The following NCKAP5 variants were observed in gnomAD, a reference collection of about 807,000 sequenced individuals.
The protein encoded by NCKAP5 is NCK associated protein 5.
A neutral mutation model predicts 167.0 loss-of-function variants in NCKAP5; 92 were observed. The ratio of observed to expected loss-of-function variants is 0.55; its 90% CI spans 0.47 to 0.66. The LOEUF (loss-of-function observed/expected upper bound fraction) is 0.66, where lower values mean the gene tolerates loss of function less well. NCKAP5 is among the 30% of genes least tolerant of loss of function. The probability of loss-of-function intolerance (pLI) is 0.00; values close to 1 mark genes in which losing one functional copy is unlikely to be tolerated. For synonymous variants in NCKAP5, 891 were observed against 877.4 expected (o/e 1.02, Z -0.27); for missense variants, 2,378 against 2,315.0 (o/e 1.03, Z -0.56).
chr2:132,849,461 C>G (rs1688915372), intron 11 of NCKAP5, among the ~76,000 whole-genome samples: 1 of 152,086 alleles, frequency 6.6e-6, no homozygotes, highest in African/African-American at 2.4e-5. Flanking sequence ...AAAATAGAAA[C>G]TGATTTAATA....
chr2:132,990,751 G>A (rs2077426383), intron 7 of NCKAP5, among the ~76,000 whole-genome samples: 1 of 152,154 alleles, frequency 6.6e-6, no homozygotes, highest in Admixed American at 6.5e-5. Flanking sequence ...AAGCAAAGAA[G>A]CAATTTTCCC....
chr2:133,176,358 T>C (rs1328729762), intron 5 of NCKAP5, among the ~76,000 whole-genome samples: 2 of 152,222 alleles, frequency 1.3e-5, no homozygotes, highest in Non-Finnish European at 2.9e-5. Flanking sequence ...ATCAAAATGA[T>C]CTCCTTTTTC....
At chr2:133,523,623 G>A (rs1027685182) in intron 2 of NCKAP5, among the ~76,000 whole-genome samples, 2 of 152,140 alleles carry the variant, frequency 1.3e-5, no homozygotes, top group African/African-American at 2.4e-5. Flanking sequence ...GCCCCAGCAA[G>A]CTTTTCCACA....
intron 6 of NCKAP5, among the ~76,000 whole-genome samples, chr2:133,019,680 G>A (rs2078459151): frequency 6.6e-6 from 1 of 152,130 alleles, no homozygotes. Context: ...GAGTGCATTG[G>A]ATGTATCTAA....
intron 11 of NCKAP5, among the ~76,000 whole-genome samples, chr2:132,831,337 A>G (rs988643774): frequency 1.3e-5 from 2 of 152,216 alleles, no homozygotes; most frequent in Admixed American, 6.5e-5. Flanking sequence ...TCTGGGGCTG[A>G]TATGCATACT....
chr2:133,127,349 CTT>C (rs2082436466), intron 6 of NCKAP5, among the ~76,000 whole-genome samples: 1 of 152,198 alleles, frequency 6.6e-6, no homozygotes, highest in Non-Finnish European at 1.5e-5. Flanking sequence ...CCCTCCATGT[CTT>C]TTACTGATTT....
intron 8 of NCKAP5, among the ~76,000 whole-genome samples, chr2:132,955,106 G>A (rs938145361): frequency 7.2e-5 from 11 of 152,208 alleles, no homozygotes; most frequent in Non-Finnish European, 1.2e-4. Context: ...CCACTGGCAC[G>A]TTGCCTTAAT....
At chr2:133,463,778 A>C (rs1324935462) in intron 3 of NCKAP5, among the ~76,000 whole-genome samples, 1 of 152,120 alleles carries the variant, frequency 6.6e-6, no homozygotes, top group Non-Finnish European at 1.5e-5. Flanking sequence ...CATGGCAACA[A>C]CTCTTTATTC....
chr2:132,887,711 A>C (rs1692362711), intron 8 of NCKAP5, among the ~76,000 whole-genome samples: 2 of 152,220 alleles, frequency 1.3e-5, no homozygotes, highest in South Asian at 4.2e-4. Flanking sequence ...TAGTGGTGTG[A>C]TCATAGCTCA....
At chr2:133,273,960 A>T (rs1317669791) in intron 4 of NCKAP5, among the ~76,000 whole-genome samples, 2 of 148,392 alleles carry the variant, frequency 1.3e-5, no homozygotes, top group South Asian at 4.3e-4. Context: ...TTAACCTGAT[A>T]AAGTTTGTCT....
intron 2 of NCKAP5, among the ~76,000 whole-genome samples, chr2:133,521,779 G>C (rs942962482): frequency 1.6e-4 from 24 of 152,210 alleles, no homozygotes; most frequent in Non-Finnish European, 1.5e-5. Context: ...CACATTGGGA[G>C]TTAGGGGTTC....
intron 15 of NCKAP5, among the ~76,000 whole-genome samples, chr2:132,775,415 A>G (rs1477524052): frequency 6.6e-6 from 1 of 152,224 alleles, no homozygotes; most frequent in Non-Finnish European, 1.5e-5. Context: ...GGCTAACTCA[A>G]CACTGGCAAG....
intron 3 of NCKAP5, among the ~76,000 whole-genome samples, chr2:133,464,797 C>T (rs989235848): frequency 3.3e-5 from 5 of 152,056 alleles, no homozygotes; most frequent in African/African-American, 1.2e-4. Context: ...GCCACCTTGT[C>T]ATTGCCTTCA....
chr2:133,384,833 A>G (rs113407424), intron 3 of NCKAP5, among the ~76,000 whole-genome samples: 26 of 152,312 alleles, frequency 1.7e-4, no homozygotes, highest in African/African-American at 5.8e-4. Flanking sequence ...GAATTCACTC[A>G]TGATTTGGCT....
chr2:133,091,780 G>A (rs561328824), intron 6 of NCKAP5, among the ~76,000 whole-genome samples: 16 of 152,158 alleles, frequency 1.1e-4, no homozygotes, highest in African/African-American at 3.1e-4. Context: ...CCAGCTACTC[G>A]GGAGGCTGAG....
At chr2:133,555,158 T>C (rs773755145) in intron 2 of NCKAP5, among the ~76,000 whole-genome samples, 6 of 152,186 alleles carry the variant, frequency 3.9e-5, no homozygotes, top group Non-Finnish European at 7.3e-5. Context: ...CTGTGTTCCA[T>C]TGGGACTCTA....
At chr2:133,553,278 C>T (rs1193611860) in intron 2 of NCKAP5, among the ~76,000 whole-genome samples, 1 of 152,124 alleles carries the variant, frequency 6.6e-6, no homozygotes, top group Non-Finnish European at 1.5e-5. Context: ...CTATGCAGAG[C>T]CAACTGGTAT....
intron 5 of NCKAP5, among the ~76,000 whole-genome samples, chr2:133,205,316 T>TAGATAGAC (rs1271097592): frequency 6.6e-6 from 1 of 151,920 alleles, no homozygotes; most frequent in African/African-American, 2.4e-5. Flanking sequence ...GATAGATAGA[T>TAGATAGAC]AGACAGACAG....
intron 8 of NCKAP5, among the ~76,000 whole-genome samples, chr2:132,895,192 G>T (rs1294206661): frequency 6.6e-6 from 1 of 151,834 alleles, no homozygotes; most frequent in East Asian, 2.0e-4. Flanking sequence ...TTAGCCGGGC[G>T]TGGTGGCGGG....
Sources: gnomAD v4.1 joint callset for allele counts (sites outside exome capture counted in the v4.1 genomes callset) on GRCh38, gnomAD v4.1.1 for gene constraint, MANE v1.5 for transcripts, NCBI Gene and HGNC (gene_info 2026-07-23, HGNC 2026-07-21) for gene names.